Variants in SEMA3D observed in about 807,000 individuals in gnomAD.
SEMA3D encodes the protein semaphorin-3D.
A neutral mutation model predicts 100.1 loss-of-function variants in SEMA3D; 84 were observed. That is an observed-to-expected ratio of 0.84 (90% confidence interval 0.70 to 1.01). SEMA3D has a LOEUF of 1.01. SEMA3D is among the 50% of genes least tolerant of loss of function. The pLI, the probability that SEMA3D is intolerant of heterozygous loss-of-function variation, is 0.00. For missense variants in SEMA3D, 875 were observed against 934.1 expected (o/e 0.94, Z 0.82); for synonymous variants, 312 against 320.7 (o/e 0.97, Z 0.29).
chr7:85,118,487 T>C (rs1411730157), intron 3 of SEMA3D, among the ~76,000 whole-genome samples: 1 of 151,898 alleles, frequency 6.6e-6, no homozygotes, highest in East Asian at 1.9e-4. Context: ...TTAAAAATTG[T>C]TGAGATTTTT....
chr7:85,182,203 A>C (rs1183487717), intron 1 of SEMA3D, among the ~76,000 whole-genome samples: 6 of 152,110 alleles, frequency 3.9e-5, no homozygotes, highest in African/African-American at 1.4e-4. Context: ...ACAATTTTTA[A>C]ATAATTTTTA....
intron 17 of SEMA3D, 112 bp downstream of exon 17, chr7:85,012,670 C>T (rs1789988290): frequency 1.3e-6 from 1 of 773,614 alleles, no homozygotes; most frequent in South Asian, 1.8e-5. Context: ...ATGCATTACA[C>T]AAAATGGAGA....
At chr7:85,037,459 A>G (rs995880428) in intron 11 of SEMA3D, among the ~76,000 whole-genome samples, 1 of 152,136 alleles carries the variant, frequency 6.6e-6, no homozygotes, top group African/African-American at 2.4e-5. Flanking sequence ...ATGCCTTCCA[A>G]AGGCTTACAA....
chr7:85,034,704 T>C (rs757326723), intron 12 of SEMA3D, among the ~76,000 whole-genome samples: 4 of 152,058 alleles, frequency 2.6e-5, no homozygotes, highest in Non-Finnish European at 5.9e-5. Context: ...GGCCAATGGG[T>C]ACATGAAAAT....
At chr7:85,121,392 T>TA (rs906493702) in intron 3 of SEMA3D, among the ~76,000 whole-genome samples, 21 of 151,996 alleles carry the variant, frequency 1.4e-4, no homozygotes, top group Non-Finnish European at 2.9e-4. Context: ...TACTGTGTTT[T>TA]AAAAAAAATC....
chr7:85,186,448 C>G (rs1420583873), intron 1 of SEMA3D, among the ~76,000 whole-genome samples: 1 of 152,126 alleles, frequency 6.6e-6, no homozygotes, highest in Non-Finnish European at 1.5e-5. Flanking sequence ...GGACTGCGCC[C>G]CAGGGGCCGC....
chr7:85,160,543 C>T (rs888417938), intron 1 of SEMA3D, among the ~76,000 whole-genome samples: 24 of 152,164 alleles, frequency 1.6e-4, no homozygotes, highest in African/African-American at 5.8e-4. Flanking sequence ...TGACTCTCTG[C>T]CTGTAGAAAC....
chr7:85,235,527 A>AC, the SEMA3D span, among the ~76,000 whole-genome samples: 1 of 152,212 alleles, frequency 6.6e-6, no homozygotes, highest in Non-Finnish European at 1.5e-5. Flanking sequence ...TAATGTTTAA[A>AC]GGAGGATCTC....
chr7:85,168,858 AAAGAAAGAAAGAAAGAAAGAAAAG>A (rs1790999752), intron 1 of SEMA3D, among the ~76,000 whole-genome samples: 1 of 136,980 alleles, frequency 7.3e-6, no homozygotes, highest in African/African-American at 2.8e-5. Flanking sequence ...AGAAAGAAAG[AAAGAAAGAAAGAAAGAAAGAAAAG>A]AAAGAAAGAA....
At chr7:85,218,137 G>A in the SEMA3D span, among the ~76,000 whole-genome samples, 1 of 152,064 alleles carries the variant, frequency 6.6e-6, no homozygotes, top group Admixed American at 6.6e-5. Context: ...ATTCTGCACT[G>A]ATTGGGTTTC....
At chr7:85,043,343 G>A (rs1209806443) in intron 9 of SEMA3D, among the ~76,000 whole-genome samples, 3 of 152,012 alleles carry the variant, frequency 2.0e-5, no homozygotes, top group Non-Finnish European at 4.4e-5. Context: ...GGGTGGCAGA[G>A]CAAAACCCTG....
At chr7:85,220,357 C>A in the SEMA3D span, among the ~76,000 whole-genome samples, 4 of 144,342 alleles carry the variant, frequency 2.8e-5, no homozygotes, top group African/African-American at 1.0e-4. Context: ...TATCTCTACA[C>A]AAATTTCTAT....
At chr7:85,192,008 T>C (rs144194692), upstream of SEMA3D, among the ~76,000 whole-genome samples, 44 of 152,268 alleles carry the variant, frequency 2.9e-4, no homozygotes, top group African/African-American at 1.0e-3. Context: ...CATGTTTATT[T>C]TTCCACTATG....
the SEMA3D span, among the ~76,000 whole-genome samples, chr7:85,214,897 T>C: frequency 1.3e-5 from 2 of 152,172 alleles, no homozygotes; most frequent in African/African-American, 4.8e-5. Context: ...TATGTACATT[T>C]CACTTGGGTT....
chr7:85,189,995 T>G (rs1250438754), upstream of SEMA3D, among the ~76,000 whole-genome samples: 1 of 152,156 alleles, frequency 6.6e-6, no homozygotes, highest in East Asian at 1.9e-4. Context: ...TAGGGTAGAA[T>G]AGACATATTG....
At chr7:85,081,426 A>G in intron 5 of SEMA3D, 91 bp downstream of exon 5, 1 of 788,664 alleles carries the variant, frequency 1.3e-6, no homozygotes. Flanking sequence ...ATAATACACT[A>G]ATACCATTAA....
the SEMA3D span, among the ~76,000 whole-genome samples, chr7:85,200,051 T>A: frequency 6.6e-6 from 1 of 152,214 alleles, no homozygotes; most frequent in African/African-American, 2.4e-5. Context: ...TTCCCACCCA[T>A]GTGGAACTGT....
chr7:85,129,315 T>C (rs1413765661), intron 2 of SEMA3D, among the ~76,000 whole-genome samples: 1 of 152,134 alleles, frequency 6.6e-6, no homozygotes, highest in Non-Finnish European at 1.5e-5. Flanking sequence ...ACAGATAAAT[T>C]TGTAAAACAG....
chr7:85,244,789 C>A, the SEMA3D span, among the ~76,000 whole-genome samples: 1 of 148,484 alleles, frequency 6.7e-6, no homozygotes, highest in Non-Finnish European at 1.5e-5. Context: ...TGGCTCACTG[C>A]AACTTCTGAG....
Sources: gnomAD v4.1 joint callset for allele counts (sites outside exome capture counted in the v4.1 genomes callset) on GRCh38, gnomAD v4.1.1 for gene constraint, MANE v1.5 for transcripts, NCBI Gene and HGNC (gene_info 2026-07-23, HGNC 2026-07-21) for gene names.